The following ANO4 variants were observed in gnomAD, a reference collection of about 807,000 sequenced individuals.
ANO4 encodes anoctamin 4, also known as anoctamin-4.
Under a neutral mutation model 141.9 loss-of-function variants are expected in ANO4, and 69 were observed. The ratio of observed to expected loss-of-function variants is 0.49; its 90% CI spans 0.40 to 0.59. The LOEUF (loss-of-function observed/expected upper bound fraction) is 0.59, where lower values mean the gene tolerates loss of function less well. Ranked by LOEUF, ANO4 falls within the 20% of genes least tolerant of loss-of-function variation. ANO4 has a pLI of 0.00. For missense variants in ANO4, 894 were observed against 1,162.2 expected (o/e 0.77, Z 3.36); for synonymous variants, 350 against 394.3 (o/e 0.89, Z 1.33).
rs1313349424 is a variant in ANO4 at position 101,047,849 on chromosome 12, T to A, written c.1252-492T>A. ...GATTTAGTTAATGGTTCTGCTCTTT[T>A]TTATAAGGCTGAAATCCAGAGGGCA... is the stretch of plus-strand genomic sequence containing the variant. On this transcript the variant is annotated intron_variant, in intron 13 of 27. Coordinates refer to ENST00000392977, the MANE Select transcript of ANO4 (RefSeq NM_001286615.2). 9.7e-5 allele frequency: 21 copies of A among 216,996 alleles called. 1 individual carries two copies. In the East Asian group the frequency reaches 2.0e-3, roughly 21 times the overall value. The allele number at this position is 216,996 out of a possible 1,614,324, so 13.4% of individuals were successfully genotyped here. A position where few individuals can be genotyped will look rare whatever the true frequency, so the allele number is the denominator to read the frequency against.
intron 3 of ANO4, among the ~76,000 whole-genome samples, chr12:100,929,143 G>A (rs997608172): frequency 3.3e-5 from 5 of 151,722 alleles, no homozygotes; most frequent in Admixed American, 2.6e-4. Flanking sequence ...TATACTTTTA[G>A]TTTTAAATGT....
intron 1 of ANO4, among the ~76,000 whole-genome samples, chr12:100,733,211 C>A (rs937253100): frequency 6.6e-6 from 1 of 152,128 alleles, no homozygotes; most frequent in Non-Finnish European, 1.5e-5. Context: ...ACTTTGCAAC[C>A]TGGCTGCTGC....
chr12:100,898,379 T>C (rs2040439942), intron 1 of ANO4, among the ~76,000 whole-genome samples: 1 of 152,210 alleles, frequency 6.6e-6, no homozygotes, highest in Admixed American at 6.5e-5. Context: ...TCCCATTGAC[T>C]TAGCCCTTGT....
chr12:100,789,539 T>C (rs180842118), intron 3 of ANO4, among the ~76,000 whole-genome samples: 1 of 152,336 alleles, frequency 6.6e-6, no homozygotes, highest in Non-Finnish European at 1.5e-5. Context: ...ATACAGCACC[T>C]CATTTGTAGC....
chr12:100,824,662 A>G (rs1593436165), intron 1 of ANO4, among the ~76,000 whole-genome samples: 2 of 152,012 alleles, frequency 1.3e-5, no homozygotes, highest in East Asian at 3.9e-4. Context: ...AAAACACCCA[A>G]ATGTGTGATG....
At chr12:100,839,641 GCT>G (rs1417429745) in intron 1 of ANO4, among the ~76,000 whole-genome samples, 3 of 152,004 alleles carry the variant, frequency 2.0e-5, no homozygotes, top group Non-Finnish European at 4.4e-5. Context: ...AGGACCCACT[GCT>G]TGTTTGAAAT....
chr12:100,990,941 G>A (rs1329863716), intron 8 of ANO4, among the ~76,000 whole-genome samples: 1 of 152,104 alleles, frequency 6.6e-6, no homozygotes, highest in Non-Finnish European at 1.5e-5. Context: ...AGGTTTGTGA[G>A]GAGGACCTAG....
At chr12:101,075,027 G>A (rs114715862) in intron 14 of ANO4, among the ~76,000 whole-genome samples, 245 of 152,220 alleles carry the variant, frequency 1.6e-3, no homozygotes, top group African/African-American at 5.7e-3. Context: ...TGTTTTTACA[G>A]TGCTGAATGG....
intron 3 of ANO4, among the ~76,000 whole-genome samples, chr12:100,789,472 G>T (rs139300870): frequency 6.6e-6 from 1 of 152,176 alleles, no homozygotes; most frequent in South Asian, 2.1e-4. Context: ...TGATGACAAC[G>T]GTGACAATAG....
At chr12:100,963,732 C>T (rs1254379699) in intron 5 of ANO4, among the ~76,000 whole-genome samples, 1 of 152,072 alleles carries the variant, frequency 6.6e-6, no homozygotes, top group Non-Finnish European at 1.5e-5. Context: ...ATGATAGCCC[C>T]ACTGAGAGGA....
intron 9 of ANO4, among the ~76,000 whole-genome samples, chr12:101,030,733 A>G (rs2046940543): frequency 6.6e-6 from 1 of 152,198 alleles, no homozygotes; most frequent in Admixed American, 6.5e-5. Context: ...AAAGAAGAAA[A>G]GAGAGAAGAA....
chr12:100,797,130 G>GTATATATA (rs57640251), intron 1 of ANO4, among the ~76,000 whole-genome samples: 13 of 149,308 alleles, frequency 8.7e-5, no homozygotes, highest in African/African-American at 3.2e-4. Context: ...ATATGTGTGT[G>GTATATATA]TATATATATA....
intron 23 of ANO4, among the ~76,000 whole-genome samples, chr12:101,111,238 A>G (rs1393843719): frequency 6.6e-6 from 1 of 152,112 alleles, no homozygotes; most frequent in Admixed American, 6.5e-5. Flanking sequence ...CCAAATCCAT[A>G]CCCTTAAGGA....
At chr12:101,104,603 GTGTGTGTGTGTGTATGTA>G (rs1457072714) in intron 22 of ANO4, among the ~76,000 whole-genome samples, 51 of 69,758 alleles carry the variant, frequency 7.3e-4, no homozygotes, top group African/African-American at 4.0e-3. Context: ...ATGTGTGTGT[GTGTGTGTGTGTGTATGTA>G]TGTGTGTATA....
At chr12:101,097,543 C>A in intron 19 of ANO4, 108 bp from the exon 20 acceptor site, 1 of 1,064,206 alleles carries the variant, frequency 9.4e-7, no homozygotes, top group Non-Finnish European at 1.4e-6. Flanking sequence ...AGACCTACTA[C>A]TTATAGTAGC....
At chr12:100,800,474 T>G (rs911499591) in intron 1 of ANO4, among the ~76,000 whole-genome samples, 1 of 152,272 alleles carries the variant, frequency 6.6e-6, no homozygotes, top group Admixed American at 6.5e-5. Context: ...TTGGGCAGAT[T>G]TTTTTCCCTG....
chr12:101,114,321 A>C (rs930998008), intron 24 of ANO4, among the ~76,000 whole-genome samples: 4 of 152,356 alleles, frequency 2.6e-5, no homozygotes, highest in Non-Finnish European at 5.9e-5. Context: ...GAATTAGTGA[A>C]ACGTCTAGCT....
At chr12:100,898,644 T>C (rs1201818859) in intron 1 of ANO4, among the ~76,000 whole-genome samples, 2 of 152,216 alleles carry the variant, frequency 1.3e-5, no homozygotes, top group African/African-American at 2.4e-5. Context: ...AAAAATGCCA[T>C]TTATTTCCAT....
At chr12:100,918,073 TC>T (rs1344693511) in intron 2 of ANO4, among the ~76,000 whole-genome samples, 1 of 152,208 alleles carries the variant, frequency 6.6e-6, no homozygotes, top group African/African-American at 2.4e-5. Flanking sequence ...ACGCCTATAA[TC>T]CCAGCACTTT....
Sources: allele counts gnomAD v4.1 joint callset (sites outside exome capture counted in the v4.1 genomes callset), GRCh38; gene constraint gnomAD v4.1.1; transcripts MANE v1.5; gene names NCBI Gene and HGNC (gene_info 2026-07-23, HGNC 2026-07-21).